The following SAV1 variants were observed in gnomAD, a reference collection of about 807,000 sequenced individuals.
SAV1 encodes the protein protein salvador homolog 1.
SAV1 carries 23 observed loss-of-function variants against 47.3 expected under a neutral mutation model. That is an observed-to-expected ratio of 0.49 (90% confidence interval 0.35 to 0.69). The LOEUF (loss-of-function observed/expected upper bound fraction) is 0.69, where lower values mean the gene tolerates loss of function less well. Among genes scored for constraint, SAV1 ranks in the 30% least tolerant of loss-of-function variants. The probability of loss-of-function intolerance (pLI) is 0.01; values close to 1 mark genes in which losing one functional copy is unlikely to be tolerated. For synonymous variants in SAV1, 155 were observed against 159.2 expected, an observed-to-expected ratio of 0.97 and a Z score of 0.20; for missense variants, 448 against 457.4, an observed-to-expected ratio of 0.98 and a Z score of 0.19.
rs1303508358 is a variant in SAV1 at position 50,665,327 on chromosome 14, A to T, written c.387T>A (p.Ser129=). The part of the protein sequence containing the change: ...EVSFAVENGD[S]GSRYYYSDNF... ...TGTCTGAATAATAATATCGGGAACC[A>T]GAGTCTCCATTTTCAACAGCAAAAC... The change falls in exon 2 of 5, where the codon TCT becomes TCA. Residue 129 remains serine, a synonymous_variant. Transcript: ENST00000324679. The T allele has an allele frequency of 6.2e-7, 1 of 1,613,816 alleles. No individual in the cohort carries two copies. The highest frequency in any genetic ancestry group is 8.5e-7 in the Non-Finnish European group (1 of 1,179,772).
chr14:50,661,884 T>G (rs1471160189), intron 2 of SAV1, among the ~76,000 whole-genome samples: 1 of 152,218 alleles, frequency 6.6e-6, no homozygotes, highest in East Asian at 1.9e-4. Flanking sequence ...ATAGCCTTAT[T>G]TCGAAGACAG....
At chr14:50,649,569 G>GT (rs2039750378) in intron 2 of SAV1, among the ~76,000 whole-genome samples, 3 of 152,170 alleles carry the variant, frequency 2.0e-5, no homozygotes, top group Admixed American at 2.0e-4. Context: ...AAACGAAGGT[G>GT]TTTTTTATAA....
chr14:50,661,980 G>A (rs2039863946), intron 2 of SAV1, among the ~76,000 whole-genome samples: 2 of 152,224 alleles, frequency 1.3e-5, no homozygotes, highest in East Asian at 3.9e-4. Context: ...GAAATTTTAG[G>A]ATTGTTTTAT....
At position 50,634,879 on chromosome 14, in the gene SAV1, A is replaced by G. The variant is rs2039620831; in HGVS notation, c.*304T>C. ...TACTGCTGTAAGAAGTTAACAAGTA[A>G]TAATTTCCTATTTAACATCTGTTCA... On this transcript the variant is annotated 3_prime_UTR_variant, in exon 5 of 5. Transcript: ENST00000324679. The G allele has an allele frequency of 4.2e-6, 1 of 238,304 alleles. No individual in the cohort carries two copies. The highest frequency in any genetic ancestry group is 2.3e-5 in the African/African-American group (1 of 43,382). 14.8% of individuals were successfully genotyped at this position (238,304 alleles called of 1,614,324 possible).
rs199500784 is a variant in SAV1 at position 50,634,802 on chromosome 14, C to CT, written c.*380dup. 78 of 174,382 alleles carry CT rather than the reference C, an allele frequency of 4.5e-4. No individual in the cohort carries two copies. In the East Asian group the frequency reaches 8.5e-3, roughly 19 times the overall value. The allele number at this position is 174,382 out of a possible 1,614,324, so 10.8% of individuals were successfully genotyped here. The stretch of plus-strand genomic sequence containing the variant: ...CAATATTTCACACTACAGCGGTAAA[C>CT]TTTTTTTTTAAAAAAATACCGCAGA... On this transcript the variant is annotated 3_prime_UTR_variant, in exon 5 of 5. Coordinates refer to ENST00000324679, the MANE Select transcript of SAV1 (RefSeq NM_021818.4).
At chr14:50,648,192 A>C (rs1047699810) in intron 2 of SAV1, among the ~76,000 whole-genome samples, 1 of 152,234 alleles carries the variant, frequency 6.6e-6, no homozygotes. Context: ...AGCCAGTCTC[A>C]AGTGGCTACA....
Position 50,635,013 on chromosome 14 carries a change from T to A in SAV1, c.*170A>T. 4 of 599,866 alleles carry A rather than the reference T, an allele frequency of 6.7e-6. No individual in the cohort carries two copies. In the South Asian group the frequency reaches 8.5e-5, roughly 13 times the overall value. The allele number at this position is 599,866 out of a possible 1,614,324, so 37.2% of individuals were successfully genotyped here. A position where few individuals can be genotyped will look rare whatever the true frequency, so the allele number is the denominator to read the frequency against. On this transcript the variant is annotated 3_prime_UTR_variant, in exon 5 of 5. Transcript: ENST00000324679. ...TTGGCTCTTAAAATGATAGACTAAT[T>A]TTTCTCATTCAATAAAAGAAAATTT...
At chr14:50,661,499 A>C (rs1220520862) in intron 2 of SAV1, among the ~76,000 whole-genome samples, 1 of 152,168 alleles carries the variant, frequency 6.6e-6, no homozygotes, top group Non-Finnish European at 1.5e-5. Flanking sequence ...TTGAGGTCTT[A>C]GCCATAAAAT....
intron 2 of SAV1, among the ~76,000 whole-genome samples, chr14:50,651,934 A>C (rs534804534): frequency 2.1e-4 from 32 of 152,200 alleles, no homozygotes; most frequent in Non-Finnish European, 3.2e-4. Context: ...GCCCGGCCCA[A>C]AGAGAATAAA....
chr14:50,649,439 A>G (rs2039749359), intron 2 of SAV1, among the ~76,000 whole-genome samples: 1 of 152,258 alleles, frequency 6.6e-6, no homozygotes, highest in South Asian at 2.1e-4. Context: ...CTGCAGTAAT[A>G]AAGACAGTGT....
chr14:50,646,685 CAA>C (rs78772724), intron 2 of SAV1, among the ~76,000 whole-genome samples: 38 of 76,298 alleles, frequency 5.0e-4, no homozygotes, highest in East Asian at 2.7e-3. Context: ...AACTCTGTCT[CAA>C]AAAAAAAAAA....
intron 2 of SAV1, among the ~76,000 whole-genome samples, chr14:50,651,447 T>A (rs2140256391): frequency 6.6e-6 from 1 of 152,284 alleles, no homozygotes; most frequent in African/African-American, 2.4e-5. Context: ...TGTTTTATCA[T>A]TTTGATTTTG....
intron 4 of SAV1, among the ~76,000 whole-genome samples, chr14:50,636,904 A>C (rs1262092369): frequency 6.6e-6 from 1 of 152,208 alleles, no homozygotes; most frequent in Non-Finnish European, 1.5e-5. Flanking sequence ...TTTGATTGCA[A>C]ACTCTAGCAT....
chr14:50,656,799 GATA>G (rs1056681978), intron 2 of SAV1, among the ~76,000 whole-genome samples: 9 of 152,042 alleles, frequency 5.9e-5, no homozygotes, highest in Non-Finnish European at 8.8e-5. Context: ...TATTATTTGG[GATA>G]ATTTTACAAA....
chr14:50,667,557 A>G (rs1332313401), intron 1 of SAV1: 1 of 492,612 alleles, frequency 2.0e-6, no homozygotes, highest in Admixed American at 2.5e-5. Context: ...GCATTAGGTG[A>G]TAAGCAATTT....
chr14:50,659,579 C>T (rs2934703), intron 2 of SAV1, among the ~76,000 whole-genome samples: 5,464 of 152,198 alleles, frequency 0.036, 345 homozygotes, highest in African/African-American at 0.12. Flanking sequence ...CTGGGTGCTG[C>T]GGCACATGCC....
chr14:50,658,419 C>A (rs547399253), intron 2 of SAV1, among the ~76,000 whole-genome samples: 1 of 152,150 alleles, frequency 6.6e-6, no homozygotes, highest in African/African-American at 2.4e-5. Flanking sequence ...ACAGTAAGTG[C>A]GTGACTGGTA....
chr14:50,636,696 G>T (rs1350706779), intron 4 of SAV1, among the ~76,000 whole-genome samples: 1 of 152,080 alleles, frequency 6.6e-6, no homozygotes, highest in African/African-American at 2.4e-5. Flanking sequence ...ACCTAAAGAG[G>T]CTCTTTACCT....
chr14:50,645,488 A>G (rs2039714462), intron 2 of SAV1, among the ~76,000 whole-genome samples: 1 of 152,190 alleles, frequency 6.6e-6, no homozygotes, highest in Non-Finnish European at 1.5e-5. Flanking sequence ...TAGAAGGTAT[A>G]TATGAAATAT....
Sources: allele counts gnomAD v4.1 joint callset (sites outside exome capture counted in the v4.1 genomes callset), GRCh38; gene constraint gnomAD v4.1.1; transcripts MANE v1.5; gene names NCBI Gene and HGNC (gene_info 2026-07-23, HGNC 2026-07-21).